Variants in DNAJB6 observed in about 807,000 individuals in gnomAD.
DNAJB6 encodes the protein dnaJ homolog subfamily B member 6.
In DNAJB6, 16 loss-of-function variants were observed where a neutral mutation model predicts 42.7. That is an observed-to-expected ratio of 0.37 (90% confidence interval 0.25 to 0.57). DNAJB6 has a LOEUF of 0.57. Ranked by LOEUF, DNAJB6 falls within the 20% of genes least tolerant of loss-of-function variation. The pLI is 0.74. For synonymous variants in DNAJB6, 170 were observed against 163.5 expected, an observed-to-expected ratio of 1.04 and a Z score of -0.30; for missense variants, 347 against 416.8, an observed-to-expected ratio of 0.83 and a Z score of 1.46.
At chr7:157,410,263 A>C in intron 9 of DNAJB6, 1 of 769,604 alleles carries the variant, frequency 1.3e-6, no homozygotes. Context: ...AAAGGATGAC[A>C]GAGCTGCCAC....
chr7:157,355,315 C>T (rs1372003420), intron 1 of DNAJB6, among the ~76,000 whole-genome samples: 1 of 152,210 alleles, frequency 6.6e-6, no homozygotes, highest in Non-Finnish European at 1.5e-5. Flanking sequence ...CACCCGCCAC[C>T]TCTCTTGGCT....
chr7:157,365,524 T>A (rs1030270005), intron 3 of DNAJB6, among the ~76,000 whole-genome samples: 1 of 152,228 alleles, frequency 6.6e-6, no homozygotes, highest in Non-Finnish European at 1.5e-5. Flanking sequence ...GCTGCAGATA[T>A]GGTCCTCTAA....
chr7:157,349,167 G>A (rs897150737), intron 1 of DNAJB6, among the ~76,000 whole-genome samples: 2 of 152,074 alleles, frequency 1.3e-5, no homozygotes, highest in Non-Finnish European at 2.9e-5. Flanking sequence ...ACAGGTGTGA[G>A]ACCCTGCAAC....
chr7:157,368,253 C>T (rs989640348), intron 5 of DNAJB6, among the ~76,000 whole-genome samples: 4 of 152,170 alleles, frequency 2.6e-5, no homozygotes, highest in African/African-American at 9.7e-5. Context: ...AATTAACTTG[C>T]TTTTGCCCTC....
chr7:157,354,775 G>A (rs921356034), intron 1 of DNAJB6, among the ~76,000 whole-genome samples: 1 of 152,188 alleles, frequency 6.6e-6, no homozygotes, highest in Non-Finnish European at 1.5e-5. Flanking sequence ...TATTTCAGAG[G>A]TAGACTCGGC....
intron 1 of DNAJB6, among the ~76,000 whole-genome samples, chr7:157,350,393 T>C (rs1196823056): frequency 6.6e-6 from 1 of 152,172 alleles, no homozygotes; most frequent in Non-Finnish European, 1.5e-5. Context: ...ATTGAACCTG[T>C]ATCGCATAAT....
At chr7:157,410,325 G>T in intron 9 of DNAJB6, 4 of 503,740 alleles carry the variant, frequency 7.9e-6, no homozygotes, top group Non-Finnish European at 1.3e-5. Context: ...GTAGCTTTCA[G>T]CGTAGAGCTT....
At chr7:157,349,134 G>A (rs551719854) in intron 1 of DNAJB6, among the ~76,000 whole-genome samples, 5 of 151,886 alleles carry the variant, frequency 3.3e-5, no homozygotes, top group African/African-American at 7.2e-5. Flanking sequence ...TTCCAGCCTC[G>A]GCCTCCCAGT....
At chr7:157,401,536 T>C (rs1278811990) in intron 8 of DNAJB6, among the ~76,000 whole-genome samples, 6 of 152,180 alleles carry the variant, frequency 3.9e-5, no homozygotes, top group Admixed American at 6.5e-5. Flanking sequence ...TCTTAAGGAA[T>C]GGAAAGAGCA....
intron 8 of DNAJB6, among the ~76,000 whole-genome samples, chr7:157,409,251 C>T (rs748177825): frequency 6.6e-6 from 1 of 152,084 alleles, no homozygotes; most frequent in African/African-American, 2.4e-5. Flanking sequence ...GTGTGTTGTG[C>T]GGGGCCAGAG....
chr7:157,347,380 T>C (rs1198524107), intron 1 of DNAJB6, among the ~76,000 whole-genome samples: 1 of 152,184 alleles, frequency 6.6e-6, no homozygotes, highest in Non-Finnish European at 1.5e-5. Flanking sequence ...GGATTCTTAC[T>C]ATTTTTAAAG....
chr7:157,373,239 C>G (rs547425495), intron 5 of DNAJB6, among the ~76,000 whole-genome samples: 2 of 152,312 alleles, frequency 1.3e-5, no homozygotes, highest in South Asian at 4.1e-4. Context: ...GATTCAACCA[C>G]TTTAACATCA....
intron 1 of DNAJB6, among the ~76,000 whole-genome samples, chr7:157,341,020 C>T (rs1584870666): frequency 1.6e-5 from 2 of 125,618 alleles, no homozygotes. Flanking sequence ...GTGGAATCAC[C>T]CTGTGTGCCC....
At chr7:157,382,177 T>C in intron 5 of DNAJB6, 69 bp from the exon 6 acceptor site, 3 of 1,492,998 alleles carry the variant, frequency 2.0e-6, no homozygotes, top group Non-Finnish European at 2.7e-6. Context: ...TTTCTCTTAC[T>C]GTAGCTATCA....
At chr7:157,381,590 A>C (rs1800775166) in intron 5 of DNAJB6, 1 of 152,152 alleles carries the variant, frequency 6.6e-6, no homozygotes, top group Non-Finnish European at 1.5e-5. Flanking sequence ...GACATCTTCA[A>C]GCATCATCTT....
At position 157,344,709 on chromosome 7, in the gene DNAJB6, C is replaced by G. The variant is rs78670534; in HGVS notation, c.-27+7565C>G. Among the ~76,000 whole-genome samples, 903 of 152,254 alleles carry G rather than the reference C, an allele frequency of 5.9e-3. 8 individuals carry two copies. The highest frequency in any genetic ancestry group is 0.021 in the African/African-American group (870 of 41,534). ...GTCTCACTAGCATCGACTGCCTGGG[C>G]TCAAGTGATTTTCCTGCCTCAGCCA... On this transcript the variant is annotated intron_variant, in intron 1 of 9. Transcript: ENST00000262177.
chr7:157,380,443 T>A (rs1254721715), intron 5 of DNAJB6: 1 of 152,228 alleles, frequency 6.6e-6, no homozygotes, highest in African/African-American at 2.4e-5. Flanking sequence ...TGGGGGACGG[T>A]AAGGTCTGTT....
intron 1 of DNAJB6, among the ~76,000 whole-genome samples, chr7:157,351,661 CAA>C (rs996992597): frequency 2.7e-5 from 1 of 36,386 alleles, no homozygotes; most frequent in African/African-American, 7.0e-5. Context: ...ACAACAACAA[CAA>C]AAAAAACCAC....
At chr7:157,338,856 G>C (rs1476837441) in intron 1 of DNAJB6, among the ~76,000 whole-genome samples, 2 of 152,190 alleles carry the variant, frequency 1.3e-5, no homozygotes. Flanking sequence ...AAAGGGGTTG[G>C]GAAGCTTTTG....
Sources: gnomAD v4.1 joint callset for allele counts (sites outside exome capture counted in the v4.1 genomes callset) on GRCh38, gnomAD v4.1.1 for gene constraint, MANE v1.5 for transcripts, NCBI Gene and HGNC (gene_info 2026-07-23, HGNC 2026-07-21) for gene names.